The following LRP1B variants were observed in gnomAD, a reference collection of about 807,000 sequenced individuals.
LRP1B encodes the protein LDL receptor related protein 1B, also known as low-density lipoprotein receptor-related protein 1B.
LRP1B carries 217 observed loss-of-function variants against 556.6 expected under a neutral mutation model. The ratio of observed to expected loss-of-function variants is 0.39; its 90% CI spans 0.35 to 0.44. LRP1B has a LOEUF of 0.44. Ranked by LOEUF, LRP1B falls within the 20% of genes least tolerant of loss-of-function variation. The probability of loss-of-function intolerance (pLI) is 1.00; values close to 1 mark genes in which losing one functional copy is unlikely to be tolerated. For synonymous variants in LRP1B, 2,047 were observed against 1,865.8 expected (o/e 1.10, Z -2.50); for missense variants, 5,053 against 5,620.8 (o/e 0.90, Z 3.23).
At chr2:141,177,884 T>G (rs1680805942) in intron 7 of LRP1B, among the ~76,000 whole-genome samples, 1 of 152,134 alleles carries the variant, frequency 6.6e-6, no homozygotes, top group Admixed American at 6.6e-5. Flanking sequence ...ACAAAGGTAT[T>G]TGTTTTACTC....
At chr2:141,601,192 C>A (rs1183196802) in intron 2 of LRP1B, among the ~76,000 whole-genome samples, 1 of 140,486 alleles carries the variant, frequency 7.1e-6, no homozygotes, top group South Asian at 2.4e-4. Flanking sequence ...TAGTATCTGT[C>A]TGTCTGTCAG....
Position 140,841,070 on chromosome 2 carries a change from T to C in LRP1B, c.4962A>G (p.Leu1654=), listed in dbSNP as rs756757502. The C allele has an allele frequency of 6.2e-7, 1 of 1,611,392 alleles. No individual in the cohort carries two copies. Among genetic ancestry groups the C allele is most frequent in the South Asian group, 1.1e-5 (1 of 90,696 alleles). Residue 1654 remains leucine (L), a synonymous_variant, in exon 30 of 91, where the codon CTA becomes CTG. Transcript: ENST00000389484. The part of the protein sequence containing the change: ...ISRDIQSIRG[L]AVDWVSRNLY... ...AATTACGTGACACCCAATCCACTGC[T>C]AGCCCTCTGATACTCTGAATATCTA...
At chr2:141,431,914 T>C (rs1680577018) in intron 3 of LRP1B, among the ~76,000 whole-genome samples, 1 of 152,126 alleles carries the variant, frequency 6.6e-6, no homozygotes, top group Non-Finnish European at 1.5e-5. Flanking sequence ...CAAGGAGAGA[T>C]ATTTTTACTT....
At chr2:141,577,201 T>C (rs1260643740) in intron 2 of LRP1B, among the ~76,000 whole-genome samples, 1 of 152,142 alleles carries the variant, frequency 6.6e-6, no homozygotes, top group Non-Finnish European at 1.5e-5. Flanking sequence ...AAATGGAAGA[T>C]CACCTAAATC....
At chr2:141,931,301 A>C (rs1466996110) in intron 1 of LRP1B, among the ~76,000 whole-genome samples, 1 of 151,982 alleles carries the variant, frequency 6.6e-6, no homozygotes, top group South Asian at 2.1e-4. Context: ...CCTACAATCT[A>C]ATGGTGTGTA....
intron 3 of LRP1B, among the ~76,000 whole-genome samples, chr2:141,333,358 G>C (rs1463953283): frequency 6.6e-6 from 1 of 152,078 alleles, no homozygotes; most frequent in Non-Finnish European, 1.5e-5. Flanking sequence ...ATGATCCCAT[G>C]ATTTACCATA....
intron 43 of LRP1B, among the ~76,000 whole-genome samples, chr2:140,542,976 C>A (rs140963255): frequency 1.3e-3 from 192 of 152,240 alleles, no homozygotes; most frequent in African/African-American, 4.4e-3. Flanking sequence ...TAACACCAAC[C>A]AGATTCAAAT....
At chr2:141,937,420 A>G (rs1700668518) in intron 1 of LRP1B, among the ~76,000 whole-genome samples, 1 of 151,460 alleles carries the variant, frequency 6.6e-6, no homozygotes, top group South Asian at 2.1e-4. Flanking sequence ...AAAAATAAAA[A>G]TATAACATGT....
At chr2:140,748,591 G>A (rs1379382199) in intron 35 of LRP1B, among the ~76,000 whole-genome samples, 3 of 73,328 alleles carry the variant, frequency 4.1e-5, no homozygotes, top group African/African-American at 1.6e-4. Context: ...TATACAGTGT[G>A]TATATATATA....
chr2:141,070,836 C>A (rs906923500), intron 7 of LRP1B, among the ~76,000 whole-genome samples: 1 of 152,056 alleles, frequency 6.6e-6, no homozygotes, highest in Non-Finnish European at 1.5e-5. Flanking sequence ...AGACCAATAA[C>A]AGGCTCTGAA....
chr2:141,208,844 G>A (rs112012186), intron 6 of LRP1B, among the ~76,000 whole-genome samples: 2,641 of 118,136 alleles, frequency 0.022, 42 homozygotes, highest in Middle Eastern at 0.06. Flanking sequence ...ACTCCAACCT[G>A]GGCAATAAAG....
chr2:140,674,106 G>T (rs1344175761), intron 41 of LRP1B, among the ~76,000 whole-genome samples: 1 of 151,564 alleles, frequency 6.6e-6, no homozygotes, highest in Admixed American at 6.6e-5. Flanking sequence ...CCACCACCAC[G>T]CCTGGCTAAT....
At chr2:141,441,767 C>T (rs1005375006) in intron 3 of LRP1B, among the ~76,000 whole-genome samples, 3 of 152,074 alleles carry the variant, frequency 2.0e-5, no homozygotes, top group African/African-American at 7.2e-5. Flanking sequence ...ATTATGAAAC[C>T]AGGAACATTG....
intron 37 of LRP1B, among the ~76,000 whole-genome samples, 166 bp from the exon 38 acceptor site, chr2:140,702,719 T>A (rs551538085): frequency 1.2e-4 from 19 of 152,080 alleles, no homozygotes; most frequent in Non-Finnish European, 1.6e-4. Flanking sequence ...TAAAATAATT[T>A]TTATCGTAAA....
chr2:141,654,494 G>C (rs944806229), intron 2 of LRP1B, among the ~76,000 whole-genome samples: 1 of 152,148 alleles, frequency 6.6e-6, no homozygotes, highest in Non-Finnish European at 1.5e-5. Context: ...AGCAGACTCA[G>C]GGTCTGGAGG....
At chr2:141,211,303 T>A (rs116431702) in intron 6 of LRP1B, among the ~76,000 whole-genome samples, 53,793 of 137,822 alleles carry the variant, frequency 0.39, 10,150 homozygotes, top group East Asian at 0.7. Context: ...TTCTTTTTTT[T>A]TAAAAAAAAA....
intron 2 of LRP1B, among the ~76,000 whole-genome samples, chr2:141,623,183 A>T (rs571429112): frequency 6.6e-6 from 1 of 152,184 alleles, no homozygotes; most frequent in South Asian, 2.1e-4. Context: ...ATTTAAAAAA[A>T]AATCACTTTT....
chr2:141,863,395 G>T (rs1278279427), intron 1 of LRP1B, among the ~76,000 whole-genome samples: 1 of 152,126 alleles, frequency 6.6e-6, no homozygotes, highest in Non-Finnish European at 1.5e-5. Context: ...CAAAAATAAA[G>T]TCTGGTCGGG....
chr2:141,808,861 T>C (rs1248622737), intron 2 of LRP1B, among the ~76,000 whole-genome samples: 2 of 152,124 alleles, frequency 1.3e-5, no homozygotes, highest in African/African-American at 4.8e-5. Flanking sequence ...GTGATCTTTT[T>C]TGATGAGCTT....
Sources: gnomAD v4.1 joint callset for allele counts (sites outside exome capture counted in the v4.1 genomes callset) on GRCh38, gnomAD v4.1.1 for gene constraint, MANE v1.5 for transcripts, NCBI Gene and HGNC (gene_info 2026-07-23, HGNC 2026-07-21) for gene names.